The following ADIPOR2 variants were observed in gnomAD, a reference collection of about 807,000 sequenced individuals.
ADIPOR2 encodes the protein adiponectin receptor 2.
Under a neutral mutation model 40.9 loss-of-function variants are expected in ADIPOR2, and 18 were observed. The observed-to-expected ratio is 0.44, with a 90% CI of 0.30 to 0.65. The LOEUF (loss-of-function observed/expected upper bound fraction) is 0.65, where lower values mean the gene tolerates loss of function less well. Among genes scored for constraint, ADIPOR2 ranks in the 30% least tolerant of loss-of-function variants. The pLI is 0.09. For synonymous variants in ADIPOR2, 165 were observed against 166.4 expected (o/e 0.99, Z 0.06); for missense variants, 283 against 479.2 (o/e 0.59, Z 3.82).
intron 1 of ADIPOR2, among the ~76,000 whole-genome samples, chr12:1,692,312 C>T (rs1321858508): frequency 6.6e-6 from 1 of 152,076 alleles, no homozygotes; most frequent in East Asian, 1.9e-4. Context: ...AAAGGCCACC[C>T]TTATGTCTCC....
intron 2 of ADIPOR2, among the ~76,000 whole-genome samples, chr12:1,768,723 T>A (rs575034188): frequency 8.5e-5 from 13 of 152,314 alleles, no homozygotes; most frequent in Admixed American, 2.6e-4. Context: ...AAAATTCTCA[T>A]TTTAGATTGC....
intron 1 of ADIPOR2, among the ~76,000 whole-genome samples, chr12:1,693,153 C>T (rs527611459): frequency 2.0e-5 from 3 of 151,956 alleles, no homozygotes; most frequent in South Asian, 4.2e-4. Flanking sequence ...GAAACTCCGT[C>T]TTAAAAAAAA....
At chr12:1,692,373 T>C (rs1358262484) in intron 1 of ADIPOR2, among the ~76,000 whole-genome samples, 1 of 152,230 alleles carries the variant, frequency 6.6e-6, no homozygotes, top group Non-Finnish European at 1.5e-5. Flanking sequence ...TCTGATAAAT[T>C]TGTTGTCAGA....
At position 1,783,304 on chromosome 12, in the gene ADIPOR2, G is replaced by C. The variant is rs531330205; in HGVS notation, c.839-576G>C. Among the ~76,000 whole-genome samples, 29 of 152,074 alleles carry C rather than the reference G, an allele frequency of 1.9e-4. 1 individual carries two copies. In the South Asian group the frequency reaches 5.8e-3, roughly 30 times the overall value. On this transcript the variant is annotated intron_variant, in intron 6 of 7. Transcript: ENST00000357103. Reference sequence around the variant, plus strand: ...CTAGGACAGTTTAAATAAACTCCTGGAGCTGTCCTTTCCGAAAACATTTAG... The same window carrying C: ...CTAGGACAGTTTAAATAAACTCCTGCAGCTGTCCTTTCCGAAAACATTTAG...
intron 1 of ADIPOR2, among the ~76,000 whole-genome samples, chr12:1,704,428 T>G (rs1199640521): frequency 6.6e-6 from 1 of 152,234 alleles, no homozygotes; most frequent in Non-Finnish European, 1.5e-5. Context: ...ATAAACTTGC[T>G]TTCACTTAAA....
chr12:1,701,034 A>G (rs953773134), intron 1 of ADIPOR2, among the ~76,000 whole-genome samples: 1 of 151,718 alleles, frequency 6.6e-6, no homozygotes, highest in South Asian at 2.1e-4. Context: ...CATTTTTTTG[A>G]GGAAAAAAAA....
chr12:1,757,073 T>A (rs1242506454), intron 2 of ADIPOR2, among the ~76,000 whole-genome samples: 3 of 152,252 alleles, frequency 2.0e-5, no homozygotes, highest in African/African-American at 7.2e-5. Context: ...TAACTATTTT[T>A]AAAACTGAAC....
At chr12:1,721,329 C>G (rs1173595112) in intron 1 of ADIPOR2, among the ~76,000 whole-genome samples, 1 of 146,948 alleles carries the variant, frequency 6.8e-6, no homozygotes, top group East Asian at 2.0e-4. Flanking sequence ...GATTCTCTTC[C>G]CTCAGCCTCC....
intron 1 of ADIPOR2, chr12:1,695,723 G>A (rs912525054): frequency 6.6e-6 from 1 of 150,864 alleles, no homozygotes; most frequent in East Asian, 1.9e-4. Flanking sequence ...CTTTTTTGGT[G>A]GTTTTCAGGA....
intron 2 of ADIPOR2, among the ~76,000 whole-genome samples, chr12:1,767,449 C>T (rs191901104): frequency 2.0e-5 from 3 of 151,954 alleles, no homozygotes; most frequent in Admixed American, 6.6e-5. Flanking sequence ...TTGGAGAATA[C>T]TGGGTATACA....
chr12:1,712,479 A>T lies in ADIPOR2; in HGVS notation c.-87+21288A>T, dbSNP rs1035049922. ...CTGCTGCAACTACACGTAAACAGTG[A>T]GGCTAGCCTTTTGCCACTGGTTGTA... On this transcript the variant is annotated intron_variant, in intron 1 of 7. Coordinates refer to ENST00000357103, the MANE Select transcript of ADIPOR2 (RefSeq NM_024551.3). 1.8e-4 allele frequency among the ~76,000 whole-genome samples: 27 copies of T among 152,222 alleles called. 1 individual carries two copies. The highest frequency in any genetic ancestry group is 6.3e-4 in the African/African-American group (26 of 41,486).
At position 1,780,581 on chromosome 12, in the gene ADIPOR2, A is replaced by G. The variant is rs1030981776; in HGVS notation, c.594A>G (p.Ser198=). The G allele has an allele frequency of 1.2e-6, 2 of 1,613,142 alleles. No individual in the cohort carries two copies. The highest frequency in any genetic ancestry group is 1.1e-5 in the South Asian group (1 of 91,000). Residue 198 remains serine (S), a synonymous_variant, in exon 5 of 8, where the codon TCA becomes TCG. Coordinates refer to ENST00000357103, the MANE Select transcript of ADIPOR2 (RefSeq NM_024551.3). ...FLGAILCLSF[S]WLFHTVYCHS... ...GAGCCATTCTCTGCCTTTCTTTTTC[A>G]TGGCTCTTCCACACAGTCTACTGCC...
chr12:1,732,613 A>G (rs1191445591), intron 1 of ADIPOR2, among the ~76,000 whole-genome samples: 5 of 152,252 alleles, frequency 3.3e-5, no homozygotes, highest in African/African-American at 1.2e-4. Context: ...TAAAGCTACT[A>G]TAAACACTTG....
intron 1 of ADIPOR2, among the ~76,000 whole-genome samples, chr12:1,751,031 T>TC (rs1301575425): frequency 2.0e-5 from 3 of 151,942 alleles, no homozygotes; most frequent in Non-Finnish European, 4.4e-5. Context: ...TTTTTTTTTT[T>TC]CTTCAAGGCA....
chr12:1,732,054 T>G (rs1048303538), intron 1 of ADIPOR2, among the ~76,000 whole-genome samples: 1 of 152,160 alleles, frequency 6.6e-6, no homozygotes, highest in Non-Finnish European at 1.5e-5. Flanking sequence ...ATAGAAAAAT[T>G]GAGTGAAAAC....
At chr12:1,710,555 C>A (rs113903957) in intron 1 of ADIPOR2, among the ~76,000 whole-genome samples, 1 of 151,988 alleles carries the variant, frequency 6.6e-6, no homozygotes, top group African/African-American at 2.4e-5. Flanking sequence ...GCGCGGCCAC[C>A]GGACTAAAGA....
intron 1 of ADIPOR2, among the ~76,000 whole-genome samples, chr12:1,731,963 GAAAACA>G (rs1001449928): frequency 2.7e-5 from 4 of 148,476 alleles, no homozygotes; most frequent in African/African-American, 1.0e-4. Context: ...GACTTGGTCT[GAAAACA>G]AAAACAAAAA....
intron 1 of ADIPOR2, among the ~76,000 whole-genome samples, chr12:1,719,313 G>T (rs890985819): frequency 1.3e-5 from 2 of 152,162 alleles, no homozygotes; most frequent in Admixed American, 1.3e-4. Context: ...TTGTTGTAGA[G>T]TATAATGTCC....
chr12:1,776,966 TTTAA>T (rs1592630548), intron 3 of ADIPOR2, among the ~76,000 whole-genome samples: 1 of 152,344 alleles, frequency 6.6e-6, no homozygotes, highest in East Asian at 1.9e-4. Context: ...TTGGAGGTTT[TTTAA>T]TTAATTAAAT....
Sources: gnomAD v4.1 joint callset for allele counts (sites outside exome capture counted in the v4.1 genomes callset) on GRCh38, gnomAD v4.1.1 for gene constraint, MANE v1.5 for transcripts, NCBI Gene and HGNC (gene_info 2026-07-23, HGNC 2026-07-21) for gene names.